The following PAPPA2 variants were observed in gnomAD, a reference collection of about 807,000 sequenced individuals.
The protein encoded by PAPPA2 is pappalysin 2.
In PAPPA2, 86 loss-of-function variants were observed where a neutral mutation model predicts 176.4. The ratio of observed to expected loss-of-function variants is 0.49; its 90% confidence interval spans 0.41 to 0.58. PAPPA2 has a LOEUF of 0.58. PAPPA2 is among the 20% of genes least tolerant of loss of function. The pLI, the probability that PAPPA2 is intolerant of heterozygous loss-of-function variation, is 0.00. For synonymous variants in PAPPA2, 809 were observed against 852.2 expected (o/e 0.95, Z 0.88); for missense variants, 2,073 against 2,256.9 (o/e 0.92, Z 1.65).
At chr1:176,687,656 C>T (rs1558519746) in intron 4 of PAPPA2, among the ~76,000 whole-genome samples, 1 of 152,158 alleles carries the variant, frequency 6.6e-6, no homozygotes, top group Admixed American at 6.5e-5. Context: ...CACAAAAGGA[C>T]CTGGGCCTGT....
At chr1:176,750,826 A>C (rs1663139392) in intron 14 of PAPPA2, among the ~76,000 whole-genome samples, 1 of 152,218 alleles carries the variant, frequency 6.6e-6, no homozygotes. Context: ...TCAAGGAAAA[A>C]TAATGAGTTC....
chr1:176,532,384 A>G (rs960478743), intron 1 of PAPPA2, among the ~76,000 whole-genome samples: 2 of 152,206 alleles, frequency 1.3e-5, no homozygotes, highest in Admixed American at 1.3e-4. Flanking sequence ...TGCGAAGGTG[A>G]CTGCATGGTC....
intron 3 of PAPPA2, among the ~76,000 whole-genome samples, chr1:176,608,046 C>G (rs972879534): frequency 6.6e-6 from 1 of 152,082 alleles, no homozygotes; most frequent in South Asian, 2.1e-4. Context: ...GGATCAATGT[C>G]AGTATCCTGG....
chr1:176,771,064 T>C lies in PAPPA2; in HGVS notation c.4599T>C (p.Asn1533=). 6.2e-7 allele frequency: 1 copy of C among 1,614,142 alleles called. No homozygotes were observed. Among genetic ancestry groups the C allele is most frequent in the Non-Finnish European group, 8.5e-7 (1 of 1,180,014 alleles). Residue 1533 remains asparagine (N), a synonymous_variant, in exon 17 of 23, where the codon AAT becomes AAC. Transcript: ENST00000367662. The stretch of plus-strand genomic sequence containing the variant: ...GTGATGCTCCCCCTATTATTCTGAA[T>C]GCCAACTTGCTCCTGCCTCACTGCC... ...LECDAPPIIL[N]ANLLLPHCLQ... is the part of the protein sequence containing the mutation.
At chr1:176,559,859 C>T (rs1412607993) in intron 2 of PAPPA2, among the ~76,000 whole-genome samples, 8 of 152,212 alleles carry the variant, frequency 5.3e-5, no homozygotes, top group Non-Finnish European at 1.5e-5. Context: ...CCCAGTTTCC[C>T]AATCCTTAAT....
chr1:176,576,712 T>C (rs1351997984), intron 2 of PAPPA2, among the ~76,000 whole-genome samples: 1 of 152,210 alleles, frequency 6.6e-6, no homozygotes, highest in Non-Finnish European at 1.5e-5. Flanking sequence ...TGATAGTCTA[T>C]TGGAATGCAG....
chr1:176,836,242 T>A (rs1209042285), intron 21 of PAPPA2, among the ~76,000 whole-genome samples: 2 of 151,998 alleles, frequency 1.3e-5, no homozygotes, highest in Non-Finnish European at 2.9e-5. Context: ...TAACGAGAAG[T>A]TTTTTTTATG....
chr1:176,652,108 A>G (rs971838970), intron 3 of PAPPA2, among the ~76,000 whole-genome samples: 1 of 151,242 alleles, frequency 6.6e-6, no homozygotes, highest in Non-Finnish European at 1.5e-5. Flanking sequence ...TTTTGGTTAG[A>G]GAGTTCACAT....
intron 3 of PAPPA2, among the ~76,000 whole-genome samples, chr1:176,596,898 A>C (rs1654017476): frequency 6.6e-6 from 1 of 152,202 alleles, no homozygotes; most frequent in Non-Finnish European, 1.5e-5. Context: ...TATCCCCAGT[A>C]CACAACTGGT....
intron 3 of PAPPA2, among the ~76,000 whole-genome samples, chr1:176,598,593 A>G (rs1162610016): frequency 6.6e-6 from 1 of 151,160 alleles, no homozygotes; most frequent in East Asian, 1.9e-4. Flanking sequence ...TTCTTCTTTT[A>G]TTCTTTCTTG....
At chr1:176,716,231 CTT>C (rs371904164) in intron 12 of PAPPA2, among the ~76,000 whole-genome samples, 7 of 133,220 alleles carry the variant, frequency 5.3e-5, no homozygotes, top group African/African-American at 1.1e-4. Context: ...TAACCTCTTT[CTT>C]TTTTTTTTTT....
In PAPPA2 at chr1:176,463,420, TA is replaced by T. The variant is rs1275050661; in HGVS notation, c.-917+3del. The T allele has an allele frequency of 5.3e-5, 8 of 152,232 alleles. No individual in the cohort carries two copies. Among genetic ancestry groups the T allele is most frequent in the African/African-American group, 1.9e-4 (8 of 41,454 alleles). 9.4% of individuals were successfully genotyped at this position (152,232 alleles called of 1,614,324 possible). A position where few individuals can be genotyped will look rare whatever the true frequency, so the allele number is the denominator to read the frequency against. Reference sequence around the variant, plus strand: ...AGTGATTAAGGAGCAAAACACTTGGTATGTATTGGGGGTGTCACTACTATTA... The same window carrying T: ...AGTGATTAAGGAGCAAAACACTTGGTTGTATTGGGGGTGTCACTACTATTA... On this transcript the variant is annotated splice_donor_region_variant and intron_variant, in intron 1 of 22. Coordinates refer to ENST00000367662, the MANE Select transcript of PAPPA2 (RefSeq NM_020318.3).
At chr1:176,710,548 A>T (rs1661098689) in intron 11 of PAPPA2, among the ~76,000 whole-genome samples, 1 of 152,144 alleles carries the variant, frequency 6.6e-6, no homozygotes, top group East Asian at 1.9e-4. Flanking sequence ...TTGCGTACAT[A>T]TTTTTTTTCT....
At position 176,842,378 on chromosome 1, in the gene PAPPA2, A is replaced by G; in HGVS notation, c.5302-2A>G. ...ATTTCTACTTCCCTTTCATTCCCCTAGGTCATTCCATTTGCTGCTGACTGT... is the reference window on the plus strand; with the variant it reads ...ATTTCTACTTCCCTTTCATTCCCCTGGGTCATTCCATTTGCTGCTGACTGT... On this transcript the variant is annotated splice_acceptor_variant, in intron 22 of 22. Transcript: ENST00000367662. LOFTEE classifies it high-confidence loss of function. The G allele has an allele frequency of 6.2e-7, 1 of 1,612,608 alleles. No individual in the cohort carries two copies. The highest frequency in any genetic ancestry group is 1.1e-5 in the South Asian group (1 of 91,048).
chr1:176,515,611 GTTTATT>G (rs1335488298), intron 1 of PAPPA2, among the ~76,000 whole-genome samples: 1 of 152,140 alleles, frequency 6.6e-6, no homozygotes, highest in Non-Finnish European at 1.5e-5. Context: ...GGTGCTTTCT[GTTTATT>G]TTTATCTTGT....
chr1:176,647,917 C>T (rs989358317), intron 3 of PAPPA2, among the ~76,000 whole-genome samples: 1 of 151,494 alleles, frequency 6.6e-6, no homozygotes, highest in African/African-American at 2.4e-5. Flanking sequence ...ATTGCTTTGG[C>T]TATTTGGGGT....
At chr1:176,719,626 A>G (rs967822802) in intron 12 of PAPPA2, among the ~76,000 whole-genome samples, 1 of 152,092 alleles carries the variant, frequency 6.6e-6, no homozygotes, top group African/African-American at 2.4e-5. Flanking sequence ...ATTTATATCG[A>G]TAATTTCACT....
intron 12 of PAPPA2, among the ~76,000 whole-genome samples, chr1:176,719,025 C>A (rs1337817761): frequency 6.6e-6 from 1 of 151,850 alleles, no homozygotes; most frequent in Non-Finnish European, 1.5e-5. Flanking sequence ...CCAAAAAAAT[C>A]TTGGATTTGT....
At chr1:176,735,696 CTATCT>C (rs1558551398) in intron 12 of PAPPA2, among the ~76,000 whole-genome samples, 1 of 136,770 alleles carries the variant, frequency 7.3e-6, no homozygotes, top group Non-Finnish European at 1.7e-5. Context: ...ATCTATCTAT[CTATCT>C]ATCTATCTAT....
Sources: gnomAD v4.1 joint callset for allele counts (sites outside exome capture counted in the v4.1 genomes callset) on GRCh38, gnomAD v4.1.1 for gene constraint, MANE v1.5 for transcripts, NCBI Gene and HGNC (gene_info 2026-07-23, HGNC 2026-07-21) for gene names.